Variants in DNMT3A observed in about 807,000 individuals in gnomAD.
DNMT3A encodes the protein DNA methyltransferase 3 alpha.
In DNMT3A, 267 loss-of-function variants were observed where a neutral mutation model predicts 117.6. The observed-to-expected ratio is 2.27, with a 90% CI of 2.05 to 2.51. The LOEUF (loss-of-function observed/expected upper bound fraction) is 2.51, where lower values mean the gene tolerates loss of function less well. Among genes scored for constraint, DNMT3A ranks in the 30% most tolerant of loss-of-function variants. The pLI is 0.00. For synonymous variants in DNMT3A, 432 were observed against 474.8 expected (o/e 0.91, Z 1.17); for missense variants, 1,029 against 1,260.2 (o/e 0.82, Z 2.78).
At chr2:25,340,909 T>G (rs2035400834) in intron 1 of DNMT3A, among the ~76,000 whole-genome samples, 7 of 116,532 alleles carry the variant, frequency 6.0e-5, no homozygotes, top group East Asian at 2.9e-4. Flanking sequence ...CGCCCCCACA[T>G]TGCGGCGCCG....
intron 1 of DNMT3A, among the ~76,000 whole-genome samples, chr2:25,331,384 GT>G (rs1034203001): frequency 1.5e-4 from 23 of 152,348 alleles, no homozygotes; most frequent in Non-Finnish European, 2.6e-4. Flanking sequence ...TAGAGGAACA[GT>G]TTTTGCTTCT....
In DNMT3A at chr2:25,282,798, A is replaced by G. The variant is rs2149379795; in HGVS notation, c.178-87T>C. ...ATCATTGACCGCTCTGAAATTCTAG[A>G]GAATGTTATGCACTTTCTGTCCAGA... On this transcript the variant is annotated intron_variant, in intron 3 of 22. Transcript: ENST00000321117. The surrounding 1 kb of genome is among the most constrained non-coding windows in gnomAD (Gnocchi z 5.2). 7.0e-7 allele frequency: 1 copy of G among 1,436,986 alleles called. No individual in the cohort carries two copies. Among genetic ancestry groups the G allele is most frequent in the Non-Finnish European group, 9.3e-7 (1 of 1,079,170 alleles). 89.0% of individuals were successfully genotyped at this position (1,436,986 alleles called of 1,614,324 possible).
intron 6 of DNMT3A, among the ~76,000 whole-genome samples, chr2:25,248,713 A>G (rs1416305206): frequency 6.6e-6 from 1 of 151,560 alleles, no homozygotes; most frequent in East Asian, 1.9e-4. Context: ...ACACCTGGCT[A>G]ATTTTTGTAT....
intron 4 of DNMT3A, among the ~76,000 whole-genome samples, chr2:25,279,209 C>T (rs1404188825): frequency 6.6e-6 from 1 of 152,204 alleles, no homozygotes; most frequent in Non-Finnish European, 1.5e-5. Context: ...ATCTCATCAT[C>T]TCCCGTCTTC....
At chr2:25,334,414 CA>C (rs1180396550) in intron 1 of DNMT3A, among the ~76,000 whole-genome samples, 1 of 152,184 alleles carries the variant, frequency 6.6e-6, no homozygotes, top group East Asian at 1.9e-4. Flanking sequence ...CCTGAAGCCC[CA>C]CTTTGTCTCC....
chr2:25,334,124 AGGGGCAGCCTCG>A (rs970542867), intron 1 of DNMT3A, among the ~76,000 whole-genome samples: 1 of 152,142 alleles, frequency 6.6e-6, no homozygotes, highest in Admixed American at 6.5e-5. Flanking sequence ...CCTATTGAAC[AGGGGCAGCCTCG>A]GGGGAAGGGA....
At chr2:25,245,632 A>G (rs1674663893) in intron 12 of DNMT3A, among the ~76,000 whole-genome samples, 1 of 152,222 alleles carries the variant, frequency 6.6e-6, no homozygotes, top group African/African-American at 2.4e-5. Context: ...GTAATCCTCA[A>G]GTCCTGACCC....
chr2:25,234,299 C>T lies in DNMT3A; in HGVS notation c.2719G>A (p.Glu907Lys), dbSNP rs1553408222. ...VIRHLFAPLK[E>K]YFACV ...GTCCCTTACACACACGCAAAATACT[C>T]CTTCAGCGGAGCGAAGAGGTGGCGG... The change falls in exon 23 of 23, where the codon GAG becomes AAG. Residue 907 changes from glutamate to lysine, a missense_variant. Glu to Lys is a moderately conservative substitution (Grantham distance 56). Transcript: ENST00000321117. The surrounding 1 kb of genome is among the most constrained non-coding windows in gnomAD (Gnocchi z 4.5). The T allele has an allele frequency of 6.2e-7, 1 of 1,613,870 alleles. No individual in the cohort carries two copies.
At chr2:25,299,925 C>T (rs1207591896) in intron 3 of DNMT3A, among the ~76,000 whole-genome samples, 6 of 152,086 alleles carry the variant, frequency 3.9e-5, no homozygotes, top group East Asian at 3.9e-4. Context: ...AGTGAGACTC[C>T]GTCTCAGTAA....
At chr2:25,332,470 T>C (rs1274751498) in intron 1 of DNMT3A, among the ~76,000 whole-genome samples, 1 of 152,146 alleles carries the variant, frequency 6.6e-6, no homozygotes, top group Non-Finnish European at 1.5e-5. Flanking sequence ...AGCTGCAGGG[T>C]CATTGAGATG....
At position 25,233,861 on chromosome 2, in the gene DNMT3A, T is replaced by C. The variant is rs1673032003; in HGVS notation, c.*418A>G. The C allele has an allele frequency of 4.3e-6, 1 of 232,830 alleles. No homozygotes were observed. Among genetic ancestry groups the C allele is most frequent in the Non-Finnish European group, 8.5e-6 (1 of 118,066 alleles). The allele number at this position is 232,830 out of a possible 1,614,324, so 14.4% of individuals were successfully genotyped here. On this transcript the variant is annotated 3_prime_UTR_variant, in exon 23 of 23. Coordinates refer to ENST00000321117, the MANE Select transcript of DNMT3A (RefSeq NM_022552.5). The stretch of plus-strand genomic sequence containing the variant: ...ATTTCCTTTTTTCCTCTCTCCCACC[T>C]TTCCTCTGCAAGGTATTGTTACTAT...
chr2:25,239,358 G>C, intron 19 of DNMT3A, 143 bp from the exon 20 acceptor site: 1 of 711,242 alleles, frequency 1.4e-6, no homozygotes, highest in Non-Finnish European at 2.6e-6. Context: ...GCAGCCTCCA[G>C]GAGAAGCTGG....
chr2:25,330,756 GC>G (rs1412597277), intron 1 of DNMT3A, among the ~76,000 whole-genome samples: 2 of 152,160 alleles, frequency 1.3e-5, no homozygotes, highest in Non-Finnish European at 2.9e-5. Context: ...TGTCCCCCAT[GC>G]CCTCTGCTCT....
intron 18 of DNMT3A, 30 bp from the exon 19 acceptor site, chr2:25,240,480 T>A (rs769935087): frequency 1.3e-5 from 20 of 1,590,032 alleles, no homozygotes; most frequent in Non-Finnish European, 1.4e-5. Context: ...AGCCATCAGC[T>A]GGGGCTGTCT....
chr2:25,332,290 G>A (rs73920675), intron 1 of DNMT3A, among the ~76,000 whole-genome samples: 2,763 of 152,256 alleles, frequency 0.018, 73 homozygotes, highest in African/African-American at 0.061. Context: ...AAGTGCCGTC[G>A]TCCACCTAGC....
At position 25,246,159 on chromosome 2, in the gene DNMT3A, C is replaced by A. The variant is rs774112139; in HGVS notation, c.1429+1G>T. ...ACCCTCTCCAGAAGCAGGCCAACTACCTCTTGTGCGCTCATCAATAATCTC... is the reference window on the plus strand; with the variant it reads ...ACCCTCTCCAGAAGCAGGCCAACTAACTCTTGTGCGCTCATCAATAATCTC... On this transcript the variant is annotated splice_donor_variant, in intron 11 of 22. Coordinates refer to ENST00000321117, the MANE Select transcript of DNMT3A (RefSeq NM_022552.5). LOFTEE classifies it high-confidence loss of function. 2 of 1,613,980 alleles carry A rather than the reference C, an allele frequency of 1.2e-6. No individual in the cohort carries two copies. The highest frequency in any genetic ancestry group is 1.7e-6 in the Non-Finnish European group (2 of 1,179,874).
intron 19 of DNMT3A, chr2:25,239,468 C>T (rs1673732922): frequency 1.6e-6 from 1 of 613,322 alleles, no homozygotes; most frequent in Non-Finnish European, 3.2e-6. Context: ...CTACACTGTT[C>T]AATTCAGTGG....
At chr2:25,253,184 TTCC>T (rs1171293655) in intron 6 of DNMT3A, among the ~76,000 whole-genome samples, 2 of 152,106 alleles carry the variant, frequency 1.3e-5, no homozygotes, top group Non-Finnish European at 2.9e-5. Context: ...CATTTCAAGC[TTCC>T]TCCTCCTGAA....
At position 25,327,297 on chromosome 2, in the gene DNMT3A, G is replaced by C; in HGVS notation, c.-177-13136C>G. 6.6e-6 allele frequency among the ~76,000 whole-genome samples: 1 copy of C among 152,160 alleles called. No homozygotes were observed. Among genetic ancestry groups the C allele is most frequent in the Non-Finnish European group, 1.5e-5 (1 of 68,030 alleles). ...TCTGTCTTCTGAATGGACCCTGACT[G>C]ATACAGTCACCCGCGGCCCCAAAGG... On this transcript the variant is annotated intron_variant, in intron 1 of 22. Transcript: ENST00000321117. The surrounding 1 kb of genome is among the most constrained non-coding windows in gnomAD (Gnocchi z 4.1).
Sources: allele counts gnomAD v4.1 joint callset (sites outside exome capture counted in the v4.1 genomes callset), GRCh38; gene constraint gnomAD v4.1.1; non-coding constraint Gnocchi (gnomAD v3.1); transcripts MANE v1.5; gene names NCBI Gene and HGNC (gene_info 2026-07-23, HGNC 2026-07-21).